The following GPHN variants were observed in gnomAD, a reference collection of about 807,000 sequenced individuals.
GPHN encodes gephyrin.
A neutral mutation model predicts 95.5 loss-of-function variants in GPHN; 17 were observed. The observed-to-expected ratio is 0.18, with a 90% CI of 0.12 to 0.27. GPHN has a LOEUF of 0.27. GPHN is among the 10% of genes least tolerant of loss of function. The pLI, the probability that GPHN is intolerant of heterozygous loss-of-function variation, is 1.00. For synonymous variants in GPHN, 320 were observed against 322.5 expected, an observed-to-expected ratio of 0.99 and a Z score of 0.08; for missense variants, 660 against 978.1, an observed-to-expected ratio of 0.67 and a Z score of 4.34.
chr14:67,691,158 T>C, the GPHN span: 16 of 1,613,268 alleles, frequency 9.9e-6, no homozygotes, highest in Non-Finnish European at 5.1e-6. Context: ...TTGACTCCTA[T>C]GTGCATCTCA....
chr14:67,001,783 A>G (rs1328984127), intron 9 of GPHN, among the ~76,000 whole-genome samples: 1 of 151,738 alleles, frequency 6.6e-6, no homozygotes. Flanking sequence ...AAGAAATGTG[A>G]AGCAGCTCAT....
At chr14:66,818,722 G>A (rs2061078956) in intron 3 of GPHN, among the ~76,000 whole-genome samples, 1 of 152,146 alleles carries the variant, frequency 6.6e-6, no homozygotes, top group Admixed American at 6.5e-5. Flanking sequence ...CCCACCAACA[G>A]TGTAAAAGTG....
the GPHN span, among the ~76,000 whole-genome samples, chr14:67,266,090 A>G: frequency 6.6e-6 from 1 of 152,126 alleles, no homozygotes; most frequent in Non-Finnish European, 1.5e-5. Flanking sequence ...TACAAATGTA[A>G]GCCACCATCC....
the GPHN span, among the ~76,000 whole-genome samples, chr14:67,596,430 C>T: frequency 2.0e-5 from 3 of 150,998 alleles, no homozygotes; most frequent in Middle Eastern, 3.4e-3. Context: ...TGTGAGCCAC[C>T]GCACCCGGCA....
chr14:67,378,160 T>G, the GPHN span, among the ~76,000 whole-genome samples: 1 of 151,424 alleles, frequency 6.6e-6, no homozygotes, highest in African/African-American at 2.4e-5. Flanking sequence ...TTCAGTTCTC[T>G]ATACTTGCTG....
intron 1 of GPHN, among the ~76,000 whole-genome samples, chr14:66,675,212 C>CA (rs2066518384): frequency 1.3e-5 from 2 of 148,296 alleles, no homozygotes; most frequent in Non-Finnish European, 3.0e-5. Context: ...GGCACGATCT[C>CA]GGCTCACTGC....
the GPHN span, chr14:67,204,511 T>A: frequency 6.3e-7 from 1 of 1,598,734 alleles, no homozygotes; most frequent in Non-Finnish European, 8.5e-7. Flanking sequence ...GGTCTCCAGA[T>A]GATGTTACCG....
chr14:67,551,542 C>CCT, the GPHN span, among the ~76,000 whole-genome samples: 5 of 152,232 alleles, frequency 3.3e-5, no homozygotes, highest in East Asian at 9.6e-4. Context: ...GTGGTGGAGT[C>CCT]AGTGAGGTTC....
At chr14:67,078,226 TATA>T (rs1322965677) in intron 11 of GPHN, among the ~76,000 whole-genome samples, 1 of 152,138 alleles carries the variant, frequency 6.6e-6, no homozygotes, top group Non-Finnish European at 1.5e-5. Flanking sequence ...GCATATTAGT[TATA>T]TTAATCGCCT....
intron 8 of GPHN, among the ~76,000 whole-genome samples, chr14:66,948,369 G>A: frequency 6.6e-6 from 1 of 152,066 alleles, no homozygotes; most frequent in East Asian, 1.9e-4. Context: ...TACTTCATAT[G>A]TTTGCCATCT....
At chr14:67,059,484 AAAC>A (rs2153649790) in intron 11 of GPHN, among the ~76,000 whole-genome samples, 1 of 152,310 alleles carries the variant, frequency 6.6e-6, no homozygotes, top group East Asian at 1.9e-4. Flanking sequence ...TGTTATGCAG[AAAC>A]AACACAACAG....
intron 1 of GPHN, among the ~76,000 whole-genome samples, chr14:66,673,360 G>A (rs117884247): frequency 0.062 from 9,383 of 152,200 alleles, 368 homozygotes; most frequent in Middle Eastern, 0.099. Context: ...CCAAAGTGCC[G>A]GAAATACAGG....
At chr14:67,198,226 A>G in the GPHN span, 3 of 1,613,754 alleles carry the variant, frequency 1.9e-6, no homozygotes, top group African/African-American at 2.7e-5. Flanking sequence ...TGCACCCCAC[A>G]CTCCCATGAT....
At chr14:66,591,661 C>G (rs146960412) in intron 1 of GPHN, among the ~76,000 whole-genome samples, 69 of 152,174 alleles carry the variant, frequency 4.5e-4, no homozygotes, top group African/African-American at 1.5e-3. Context: ...AGAGAGGACA[C>G]AAAGAAATGG....
the GPHN span, chr14:67,473,957 G>C: frequency 6.4e-7 from 1 of 1,571,884 alleles, no homozygotes. The surrounding 1 kb of genome is among the most constrained non-coding windows in gnomAD (Gnocchi z 6.5). Context: ...GGGGGCGCAA[G>C]AGAGACAGGT....
chr14:66,782,101 G>A (rs1168349790), intron 3 of GPHN, among the ~76,000 whole-genome samples: 1 of 151,972 alleles, frequency 6.6e-6, no homozygotes, highest in Non-Finnish European at 1.5e-5. Flanking sequence ...TTTAAAATGT[G>A]TCTTTGTTTT....
chr14:67,585,464 C>A, the GPHN span: 1 of 726,684 alleles, frequency 1.4e-6, no homozygotes, highest in Non-Finnish European at 2.4e-6. Flanking sequence ...GGCTGGAAAT[C>A]ACTGCTTAGC....
rs2079783062 is a variant in GPHN at position 67,132,493 on chromosome 14, A to G, written c.1748+10116A>G. On this transcript the variant is annotated intron_variant, in intron 17 of 22. Transcript: ENST00000478722. ...CTTTTTTTTTCTTTTACTCCTAGCA[A>G]GCTGGGATAGATTTATTTTCTGATC... 2.0e-5 allele frequency among the ~76,000 whole-genome samples: 3 copies of G among 152,006 alleles called. No homozygotes were observed. The South Asian group carries it at 6.2e-4, about 31-fold the overall frequency.
At chr14:66,700,696 G>A (rs778456159) in intron 2 of GPHN, among the ~76,000 whole-genome samples, 3 of 152,050 alleles carry the variant, frequency 2.0e-5, no homozygotes, top group Non-Finnish European at 2.9e-5. Flanking sequence ...GGGCCGAGGC[G>A]GGTGGATCAT....
Sources: gnomAD v4.1 joint callset for allele counts (sites outside exome capture counted in the v4.1 genomes callset) on GRCh38, gnomAD v4.1.1 for gene constraint, Gnocchi (gnomAD v3.1) non-coding constraint, MANE v1.5 for transcripts, NCBI Gene and HGNC (gene_info 2026-07-23, HGNC 2026-07-21) for gene names.